The following CEP85 variants were observed in gnomAD, a reference collection of about 807,000 sequenced individuals.
The protein encoded by CEP85 is centrosomal protein 85, also known as centrosomal protein of 85 kDa.
In CEP85, 58 loss-of-function variants were observed where a neutral mutation model predicts 93.7. The observed-to-expected ratio is 0.62, with a 90% CI of 0.50 to 0.77. The LOEUF is 0.77. Among genes scored for constraint, CEP85 ranks in the 30% least tolerant of loss-of-function variants. The pLI, the probability that CEP85 is intolerant of heterozygous loss-of-function variation, is 0.00. For missense variants in CEP85, 868 were observed against 922.0 expected (o/e 0.94, Z 0.76); for synonymous variants, 314 against 338.6 (o/e 0.93, Z 0.80).
At chr1:26,275,757 A>C (rs192227040) in intron 12 of CEP85, among the ~76,000 whole-genome samples, 1 of 152,180 alleles carries the variant, frequency 6.6e-6, no homozygotes, top group South Asian at 2.1e-4. Flanking sequence ...CCTAGGAAGG[A>C]ACCTCCTTGA....
rs142564361 is a variant in CEP85, at chr1:26,244,206, A to G, written c.96A>G (p.Glu32=). ...VIQKGSSLGT[E]WQTPVISEPF... is the part of the protein sequence containing the mutation. ...AGAAGGGCAGTTCCCTGGGGACTGA[A>G]TGGCAGACCCCAGTTATCTCGGAGC... The change falls in exon 3 of 14, where the codon GAA becomes GAG. Residue 32 remains glutamate, a synonymous_variant. Transcript: ENST00000451429. 5 of 1,613,332 alleles carry G rather than the reference A, an allele frequency of 3.1e-6. No homozygotes were observed. Among genetic ancestry groups the G allele is most frequent in the East Asian group, 4.5e-5 (2 of 44,884 alleles).
intron 4 of CEP85, among the ~76,000 whole-genome samples, 155 bp from the exon 5 acceptor site, chr1:26,257,442 G>T (rs1381979356): frequency 6.6e-6 from 1 of 152,190 alleles, no homozygotes; most frequent in Non-Finnish European, 1.5e-5. Flanking sequence ...GTTCTTTCCA[G>T]TCATGCCTCA....
intron 2 of CEP85, among the ~76,000 whole-genome samples, chr1:26,242,794 T>TTGTG (rs1553158401): frequency 4.6e-5 from 7 of 151,370 alleles, no homozygotes; most frequent in African/African-American, 1.7e-4. Context: ...CCATTAGTTT[T>TTGTG]TTTGTTTGTT....
At chr1:26,249,550 C>G (rs1030184640) in intron 3 of CEP85, among the ~76,000 whole-genome samples, 1 of 152,102 alleles carries the variant, frequency 6.6e-6, no homozygotes, top group East Asian at 1.9e-4. Context: ...GAAAGATTCT[C>G]GAGGGACAGA....
At chr1:26,239,916 C>T (rs1005149897) in intron 2 of CEP85, 78 bp downstream of exon 2, 14 of 1,081,278 alleles carry the variant, frequency 1.3e-5, no homozygotes, top group Non-Finnish European at 2.0e-5. Context: ...AAATATTGAA[C>T]AAACAAGCAT....
chr1:26,248,520 CAG>C (rs1388327851), intron 3 of CEP85, among the ~76,000 whole-genome samples: 2 of 151,968 alleles, frequency 1.3e-5, no homozygotes, highest in African/African-American at 4.8e-5. Context: ...TTTTTCGAGA[CAG>C]AGTCGCTCTG....
At chr1:26,245,361 T>C (rs1209345626) in intron 3 of CEP85, among the ~76,000 whole-genome samples, 1 of 152,076 alleles carries the variant, frequency 6.6e-6, no homozygotes, top group Non-Finnish European at 1.5e-5. Flanking sequence ...ATACTGGGGC[T>C]CTTTTTTTCC....
rs1017341669 is a variant in CEP85, at chr1:26,255,842, C to T, written c.880C>T (p.Arg294Cys). 5.6e-6 allele frequency: 9 copies of T among 1,610,592 alleles called. No individual in the cohort carries two copies. Among genetic ancestry groups the T allele is most frequent in the Non-Finnish European group, 5.1e-6 (6 of 1,177,654 alleles). The change falls in exon 4 of 14, where the codon CGT (arginine) becomes TGT (cysteine). Residue 294 changes from arginine to cysteine, a missense_variant. Physicochemically the swap from Arg to Cys is radical, Grantham distance 180. Coordinates refer to ENST00000451429, the MANE Select transcript of CEP85 (RefSeq NM_001319944.2). ...STCRQQLELI[R>C]LQMEQMQLQN... ...TTGTCGGCAGCAGCTGGAATTGATT[C>T]GTTTACAGATGGAGCAAATGCAGGT...
chr1:26,257,772 AG>A, intron 5 of CEP85, 42 bp downstream of exon 5: 1 of 1,609,382 alleles, frequency 6.2e-7, no homozygotes, highest in Non-Finnish European at 8.5e-7. Context: ...CTACTCTCCC[AG>A]GCCCCATTGA....
Position 26,252,293 on chromosome 1 carries a change from G to A in CEP85, c.209-2878G>A, listed in dbSNP as rs548304322. Among the ~76,000 whole-genome samples, 194 of 152,094 alleles carry A rather than the reference G, an allele frequency of 1.3e-3. 1 individual carries two copies. The highest frequency in any genetic ancestry group is 2.2e-3 in the Non-Finnish European group (150 of 68,018). On this transcript the variant is annotated intron_variant, in intron 3 of 13. Transcript: ENST00000451429. ...CACACCTGTAATCCCAGCACTTTGG[G>A]AGGCCGAGGCGGGCGGATCACCTGA...
intron 3 of CEP85, among the ~76,000 whole-genome samples, chr1:26,248,899 TG>T (rs1329873820): frequency 1.3e-5 from 2 of 151,750 alleles, no homozygotes; most frequent in South Asian, 2.1e-4. Flanking sequence ...GCTAATTTTT[TG>T]TATTTTTAGT....
At chr1:26,242,766 A>T (rs977138744) in intron 2 of CEP85, among the ~76,000 whole-genome samples, 1 of 148,172 alleles carries the variant, frequency 6.7e-6, no homozygotes, top group South Asian at 2.2e-4. Context: ...TTTAAGTTAA[A>T]TGGAGGATAA....
chr1:26,247,787 G>A (rs111278694), intron 3 of CEP85, among the ~76,000 whole-genome samples: 262 of 152,138 alleles, frequency 1.7e-3, no homozygotes, highest in African/African-American at 6.0e-3. Context: ...GACTACAGGC[G>A]TGTACCATCA....
In CEP85 at chr1:26,268,572, G is replaced by T; in HGVS notation, c.1431G>T (p.Glu477Asp). 2 of 1,614,102 alleles carry T rather than the reference G, an allele frequency of 1.2e-6. No individual in the cohort carries two copies. Among genetic ancestry groups the T allele is most frequent in the Non-Finnish European group, 1.7e-6 (2 of 1,179,968 alleles). ...EQNREKQQRI[E>D]TLERYLADLP... is the part of the protein sequence containing the mutation. Reference sequence around the variant, plus strand: ...ACCGGGAGAAGCAGCAGCGTATTGAGACCTTGGAGCGCTACCTGGCTGACC... The same window carrying T: ...ACCGGGAGAAGCAGCAGCGTATTGATACCTTGGAGCGCTACCTGGCTGACC... Residue 477 changes from glutamate (E) to aspartate (D), a missense_variant, in exon 8 of 14, where the codon GAG becomes GAT. Transcript: ENST00000451429.
intron 9 of CEP85, among the ~76,000 whole-genome samples, chr1:26,270,264 A>G (rs1003024512): frequency 2.0e-5 from 3 of 152,210 alleles, no homozygotes; most frequent in Non-Finnish European, 4.4e-5. Context: ...ACTGGTGATA[A>G]GAACTGAGAG....
At chr1:26,256,288 A>G (rs1292926445) in intron 4 of CEP85, among the ~76,000 whole-genome samples, 3 of 152,098 alleles carry the variant, frequency 2.0e-5, no homozygotes, top group African/African-American at 7.2e-5. Context: ...GCTCACGCCT[A>G]TAATCCCAGC....
intron 3 of CEP85, among the ~76,000 whole-genome samples, chr1:26,250,970 T>G (rs2089604193): frequency 7.3e-6 from 1 of 137,834 alleles, no homozygotes; most frequent in Non-Finnish European, 1.5e-5. Flanking sequence ...AGACAGAGTC[T>G]TATTTCTGTC....
chr1:26,267,891 G>C (rs1188093458), intron 7 of CEP85, among the ~76,000 whole-genome samples: 1 of 152,100 alleles, frequency 6.6e-6, no homozygotes, highest in African/African-American at 2.4e-5. Context: ...CTCATGATGG[G>C]ATCTGGCCCA....
chr1:26,253,878 C>A (rs2089656709), intron 3 of CEP85, among the ~76,000 whole-genome samples: 1 of 151,834 alleles, frequency 6.6e-6, no homozygotes, highest in South Asian at 2.1e-4. Flanking sequence ...CCCATCTCTC[C>A]TAAAAATACA....
Sources: gnomAD v4.1 joint callset for allele counts (sites outside exome capture counted in the v4.1 genomes callset) on GRCh38, gnomAD v4.1.1 for gene constraint, MANE v1.5 for transcripts, NCBI Gene and HGNC (gene_info 2026-07-23, HGNC 2026-07-21) for gene names.